RDH5: variants seen among roughly 807,000 people sequenced by gnomAD.
RDH5 encodes the protein 11-cis RDH.
RDH5 carries 25 observed loss-of-function variants against 24.0 expected under a neutral mutation model. The observed-to-expected ratio is 1.04, with a 90% CI of 0.76 to 1.46. The LOEUF (loss-of-function observed/expected upper bound fraction) is 1.46, where lower values mean the gene tolerates loss of function less well. Among genes scored for constraint, RDH5 ranks in the 40% most tolerant of loss-of-function variants. The probability of loss-of-function intolerance (pLI) is 0.00; values close to 1 mark genes in which losing one functional copy is unlikely to be tolerated. For missense variants in RDH5, 369 were observed against 410.3 expected (o/e 0.90, Z 0.87); for synonymous variants, 170 against 175.2 (o/e 0.97, Z 0.23).
chr12:55,721,903 CTG>C lies in RDH5; in HGVS notation c.529_530del (p.Val177LeufsTer10). 1 of 1,613,646 alleles carries C rather than the reference CTG, an allele frequency of 6.2e-7. No homozygotes were observed. Among genetic ancestry groups the C allele is most frequent in the Non-Finnish European group, 8.5e-7 (1 of 1,179,782 alleles). ...GCCTGGCAGCCAATGGTGGGGGCTA[CTG>C]TGTCTCCAAATTTGGCCTGGAGGCC... Reference protein sequence around the residue: ...GRLAANGGGYCVSKFGLEAFS... With the variant: ...GRLAANGGGYXVSKFGLEAFS... On this transcript the variant is annotated frameshift_variant, in exon 3 of 5. Transcript: ENST00000257895. LOFTEE classifies it high-confidence loss of function. The surrounding 1 kb of genome is among the most constrained non-coding windows in gnomAD (Gnocchi z 4.7).
chr12:55,720,906 A>AAG (rs1555167991), intron 1 of RDH5: 4 of 332,156 alleles, frequency 1.2e-5, no homozygotes, highest in African/African-American at 8.7e-5. Context: ...AAAAAAAAAA[A>AAG]GATGCCTCTG....
In RDH5 at chr12:55,721,863, C is replaced by T. The variant is rs761056668; in HGVS notation, c.485C>T (p.Thr162Ile). ...QQARGRVINI[T>I]SVLGRLAANG... ...GCCCGGGGCCGGGTGATCAACATCA[C>T]CAGCGTCCTGGGTCGCCTGGCAGCC... The change falls in exon 3 of 5, where the codon ACC becomes ATC. Residue 162 changes from threonine (T) to isoleucine (I), a missense_variant. Coordinates refer to ENST00000257895, the MANE Select transcript of RDH5 (RefSeq NM_002905.5). The surrounding 1 kb of genome is among the most constrained non-coding windows in gnomAD (Gnocchi z 4.7). The T allele has an allele frequency of 1.2e-6, 2 of 1,614,052 alleles. No individual in the cohort carries two copies. The highest frequency in any genetic ancestry group is 1.3e-5 in the African/African-American group (1 of 75,046).
Position 55,720,853 on chromosome 12 carries a change from C to A in RDH5, c.-32-300C>A, listed in dbSNP as rs116301839. The A allele has an allele frequency of 4.2e-3, 1,249 of 295,778 alleles. 24 individuals are homozygous for A. The highest frequency in any genetic ancestry group is 0.029 in the African/African-American group (1,193 of 40,944). The allele number at this position is 295,778 out of a possible 1,614,324, so 18.3% of individuals were successfully genotyped here. ...GCAAGAAGATGCCTCTGCTGCACTC[C>A]AGCCTGGGCGACAGAGTGAGACTCC... On this transcript the variant is annotated intron_variant, in intron 1 of 4. Transcript: ENST00000257895.
rs773633834 is a variant in RDH5, at chr12:55,721,807, CA to C, written c.430del (p.Thr144ProfsTer15). 6 of 1,613,934 alleles carry C rather than the reference CA, an allele frequency of 3.7e-6. No homozygotes were observed. Among genetic ancestry groups the C allele is most frequent in the Non-Finnish European group, 5.1e-6 (6 of 1,180,040 alleles). On this transcript the variant is annotated frameshift_variant, in exon 3 of 5. Transcript: ENST00000257895. LOFTEE classifies it high-confidence loss of function. This position sits in a 1 kb window ranked among gnomAD's most constrained non-coding sequence, Gnocchi z 4.7. ...TGAACACAATGGGTCCCATCGGGGTCACCCTTGCCCTGCTGCCTCTGCTGCA... is the reference window on the plus strand; with the variant it reads ...TGAACACAATGGGTCCCATCGGGGTCCCCTTGCCCTGCTGCCTCTGCTGCA... ...NVNTMGPIGV[T>X]LALLPLLQQA...
rs776550877 is a variant in RDH5 at position 55,721,373 on chromosome 12, C to T, written c.189C>T (p.Ser63=). 18 of 1,613,856 alleles carry T rather than the reference C, an allele frequency of 1.1e-5. No homozygotes were observed. The highest frequency in any genetic ancestry group is 1.4e-5 in the Non-Finnish European group (16 of 1,180,044). Residue 63 remains serine, a synonymous_variant, in exon 2 of 5, where the codon TCC becomes TCT. Transcript: ENST00000257895. The surrounding 1 kb of genome is among the most constrained non-coding windows in gnomAD (Gnocchi z 4.7). ...TCCTGGCCAGCTGCCTGACCCCCTC[C>T]GGGGCCGAGGACCTGCAGCGGGTGG... ...FRVLASCLTP[S]GAEDLQRVAS... is the part of the protein sequence containing the mutation.
At chr12:55,724,144 C>A in intron 4 of RDH5, 95 bp downstream of exon 4, 1 of 1,511,990 alleles carries the variant, frequency 6.6e-7, no homozygotes. Context: ...GTGGGGCACC[C>A]AGGGCAGGGT....
chr12:55,721,920 G>A lies in RDH5; in HGVS notation c.542G>A (p.Gly181Asp). 1 of 1,613,356 alleles carries A rather than the reference G, an allele frequency of 6.2e-7. No homozygotes were observed. The highest frequency in any genetic ancestry group is 8.5e-7 in the Non-Finnish European group (1 of 1,179,700). ...GGGGGCTACTGTGTCTCCAAATTTG[G>A]CCTGGAGGCCTTCTCTGACAGCCTG... is the stretch of plus-strand genomic sequence containing the variant. Reference protein sequence around the residue: ...NGGGYCVSKFGLEAFSDSLRR... With the variant: ...NGGGYCVSKFDLEAFSDSLRR... Residue 181 changes from glycine (G) to aspartate (D), a missense_variant, in exon 3 of 5, where the codon GGC becomes GAC. By Grantham distance (94) the Gly-to-Asp change is moderately conservative. Coordinates refer to ENST00000257895, the MANE Select transcript of RDH5 (RefSeq NM_002905.5). The surrounding 1 kb of genome is among the most constrained non-coding windows in gnomAD (Gnocchi z 4.7).
chr12:55,724,215 A>C, intron 4 of RDH5, 107 bp from the exon 5 acceptor site: 2 of 1,445,206 alleles, frequency 1.4e-6, no homozygotes, highest in South Asian at 2.4e-5. Flanking sequence ...CACTCCCCAC[A>C]CTGAGGAGGG....
intron 1 of RDH5, among the ~76,000 whole-genome samples, 190 bp from the exon 2 acceptor site, chr12:55,720,959 TTTAG>T (rs1392860233): frequency 3.3e-5 from 5 of 151,640 alleles, no homozygotes; most frequent in Non-Finnish European, 7.4e-5. Context: ...CTCATGTGGT[TTTAG>T]TTAAGTTAGC....
chr12:55,721,379 C>A lies in RDH5; in HGVS notation c.195C>A (p.Ala65=). ...CCAGCTGCCTGACCCCCTCCGGGGC[C>A]GAGGACCTGCAGCGGGTGGCCTCCT... ...VLASCLTPSG[A]EDLQRVASSR... The change falls in exon 2 of 5, where the codon GCC becomes GCA. Residue 65 remains alanine, a synonymous_variant. Transcript: ENST00000257895. This position sits in a 1 kb window ranked among gnomAD's most constrained non-coding sequence, Gnocchi z 4.7. 6.2e-7 allele frequency: 1 copy of A among 1,613,940 alleles called. No homozygotes were observed.
In RDH5 at chr12:55,721,921, C is replaced by G; in HGVS notation, c.543C>G (p.Gly181=). The part of the protein sequence containing the change: ...NGGGYCVSKF[G]LEAFSDSLRR... ...GGGGCTACTGTGTCTCCAAATTTGG[C>G]CTGGAGGCCTTCTCTGACAGCCTGA... Residue 181 remains glycine (G), a synonymous_variant, in exon 3 of 5, where the codon GGC becomes GGG. Coordinates refer to ENST00000257895, the MANE Select transcript of RDH5 (RefSeq NM_002905.5). The surrounding 1 kb of genome is among the most constrained non-coding windows in gnomAD (Gnocchi z 4.7). The G allele has an allele frequency of 6.2e-7, 1 of 1,613,134 alleles. No individual in the cohort carries two copies. Among genetic ancestry groups the G allele is most frequent in the Non-Finnish European group, 8.5e-7 (1 of 1,179,622 alleles).
chr12:55,722,909 TCA>T (rs1318768231), intron 3 of RDH5: 2 of 152,210 alleles, frequency 1.3e-5, no homozygotes, highest in African/African-American at 4.8e-5. Context: ...CCTGCGTTTG[TCA>T]CCATCACTCA....
chr12:55,722,659 C>T (rs1376571342), intron 3 of RDH5: 3 of 152,074 alleles, frequency 2.0e-5, no homozygotes, highest in Non-Finnish European at 1.5e-5. Flanking sequence ...CCTCAGCCTC[C>T]CGATTAGCTG....
At position 55,721,273 on chromosome 12, in the gene RDH5, T is replaced by G; in HGVS notation, c.89T>G (p.Phe30Cys). ...CAGAGCCTGCCCGCCAGCAATGCCT[T>G]TGTCTTCATCACCGGCTGTGACTCA... ...DRQSLPASNA[F>C]VFITGCDSGF... Residue 30 changes from phenylalanine (F) to cysteine (C), a missense_variant, in exon 2 of 5, where the codon TTT (phenylalanine) becomes TGT (cysteine). By Grantham distance (205) the Phe-to-Cys change is radical. Transcript: ENST00000257895. The surrounding 1 kb of genome is among the most constrained non-coding windows in gnomAD (Gnocchi z 4.7). The G allele has an allele frequency of 6.2e-7, 1 of 1,614,122 alleles. No homozygotes were observed. The highest frequency in any genetic ancestry group is 8.5e-7 in the Non-Finnish European group (1 of 1,180,030).
chr12:55,724,579 G>A lies in RDH5; in HGVS notation c.*34G>A, dbSNP rs1217390525. The stretch of plus-strand genomic sequence containing the variant: ...TTCCAGCAAGAGATTGTTTTTCAAG[G>A]ACAAGGACTTTGATTTATTTCTGCC... On this transcript the variant is annotated 3_prime_UTR_variant, in exon 5 of 5. Coordinates refer to ENST00000257895, the MANE Select transcript of RDH5 (RefSeq NM_002905.5). The A allele has an allele frequency of 1.3e-6, 2 of 1,589,076 alleles. No homozygotes were observed. The highest frequency in any genetic ancestry group is 2.2e-5 in the South Asian group (2 of 90,744).
rs763443181 is a variant in RDH5 at position 55,724,016 on chromosome 12, C to A, written c.700C>A (p.Gln234Lys). The A allele has an allele frequency of 9.9e-6, 16 of 1,612,698 alleles. No homozygotes were observed. The highest frequency in any genetic ancestry group is 1.4e-5 in the Non-Finnish European group (16 of 1,180,008). The change falls in exon 4 of 5, where the codon CAG (glutamine) becomes AAG (lysine). Residue 234 changes from glutamine (Q) to lysine (K), a missense_variant. Gln to Lys is a moderately conservative substitution (Grantham distance 53). Coordinates refer to ENST00000257895, the MANE Select transcript of RDH5 (RefSeq NM_002905.5). ...ACWARLPPATQAHYGGAFLTK... is the reference protein window; with the variant it reads ...ACWARLPPATKAHYGGAFLTK... ...CTGGGCACGGCTGCCTCCTGCCACA[C>A]AGGCCCACTATGGGGGGGCCTTCCT...
At chr12:55,722,859 G>A (rs1313453539) in intron 3 of RDH5, 1 of 152,114 alleles carries the variant, frequency 6.6e-6, no homozygotes, top group Non-Finnish European at 1.5e-5. Context: ...TTCTTAGCAG[G>A]AGTATAAGGC....
At chr12:55,722,021 T>A in intron 3 of RDH5, 74 bp downstream of exon 3, 1 of 1,486,804 alleles carries the variant, frequency 6.7e-7, no homozygotes, top group Non-Finnish European at 9.2e-7. Flanking sequence ...CAGAGGTGGT[T>A]AAGATACAGC....
At chr12:55,722,016 G>A in intron 3 of RDH5, 69 bp downstream of exon 3, 1 of 1,538,510 alleles carries the variant, frequency 6.5e-7, no homozygotes, top group Admixed American at 1.9e-5. Flanking sequence ...GCCAGCAGAG[G>A]TGGTTAAGAT....
Sources: gnomAD v4.1 joint callset for allele counts (sites outside exome capture counted in the v4.1 genomes callset) on GRCh38, gnomAD v4.1.1 for gene constraint, Gnocchi (gnomAD v3.1) non-coding constraint, MANE v1.5 for transcripts, NCBI Gene and HGNC (gene_info 2026-07-23, HGNC 2026-07-21) for gene names.